The following FBXL7 variants were observed in gnomAD, a reference collection of about 807,000 sequenced individuals.
FBXL7 encodes the protein F-box/LRR-repeat protein 7.
In FBXL7, 12 loss-of-function variants were observed where a neutral mutation model predicts 38.3. The observed-to-expected ratio is 0.31, with a 90% CI of 0.20 to 0.51. The LOEUF (loss-of-function observed/expected upper bound fraction) is 0.51. Among genes scored for constraint, FBXL7 ranks in the 20% least tolerant of loss-of-function variants. The pLI is 0.98. For missense variants in FBXL7, 567 were observed against 676.4 expected (o/e 0.84, Z 1.79); for synonymous variants, 297 against 300.9 (o/e 0.99, Z 0.13).
chr5:15,654,418 G>GAAAAAAAA (rs200453697), intron 2 of FBXL7, among the ~76,000 whole-genome samples: 1 of 126,396 alleles, frequency 7.9e-6, no homozygotes, highest in Non-Finnish European at 1.7e-5. Context: ...ATAAAAAACT[G>GAAAAAAAA]AAAAAAAAAA....
At chr5:15,736,357 G>A (rs185648885) in intron 2 of FBXL7, among the ~76,000 whole-genome samples, 62 of 152,226 alleles carry the variant, frequency 4.1e-4, no homozygotes, top group Non-Finnish European at 4.3e-4. Context: ...CAGCAACTTA[G>A]ATGGCCCCAA....
intron 2 of FBXL7, among the ~76,000 whole-genome samples, chr5:15,746,660 C>T (rs927563046): frequency 6.6e-6 from 1 of 152,032 alleles, no homozygotes; most frequent in South Asian, 2.1e-4. Flanking sequence ...CAGGTCTCAA[C>T]GTACAAATTT....
rs1156763157 is a variant in FBXL7, at chr5:15,939,142, C to T, written c.*1956C>T. 7.5e-6 allele frequency: 3 copies of T among 398,570 alleles called. No individual in the cohort carries two copies. The highest frequency in any genetic ancestry group is 1.3e-5 in the Non-Finnish European group (3 of 225,956). The allele number at this position is 398,570 out of a possible 1,614,324, so 24.7% of individuals were successfully genotyped here. ...GTTTCTTTCAAACATCATGGCCTCC[C>T]ATCCAATCAACATCATCAAATTACA... On this transcript the variant is annotated 3_prime_UTR_variant, in exon 4 of 4. Transcript: ENST00000504595.
chr5:15,730,995 G>A (rs1294287754), intron 2 of FBXL7, among the ~76,000 whole-genome samples: 1 of 152,170 alleles, frequency 6.6e-6, no homozygotes, highest in African/African-American at 2.4e-5. Context: ...AGATTGCTAA[G>A]CTCTCTTATT....
intron 1 of FBXL7, among the ~76,000 whole-genome samples, chr5:15,608,910 G>C (rs577791561): frequency 2.0e-5 from 3 of 152,174 alleles, no homozygotes; most frequent in Admixed American, 1.3e-4. Context: ...AGCATGGGCC[G>C]TATGATACCC....
chr5:15,527,278 A>G (rs558484302), intron 1 of FBXL7, among the ~76,000 whole-genome samples: 9 of 152,244 alleles, frequency 5.9e-5, no homozygotes, highest in Non-Finnish European at 1.3e-4. Flanking sequence ...TTTAATTATT[A>G]TAGTCGAGTA....
Position 15,777,720 on chromosome 5 carries a change from T to TAAAA in FBXL7, c.128-150147_128-150144dup, listed in dbSNP as rs371293320. On this transcript the variant is annotated intron_variant, in intron 2 of 3. Coordinates refer to ENST00000504595, the MANE Select transcript of FBXL7 (RefSeq NM_012304.5). Reference sequence around the variant, plus strand: ...TATTGTTTGCAAACCCCTATTCTGGTAAAAAAAAAAAAAAAAAAAAAAAAA... The same window carrying TAAAA: ...TATTGTTTGCAAACCCCTATTCTGGTAAAAAAAAAAAAAAAAAAAAAAAAAAAAA... 2.3e-3 allele frequency among the ~76,000 whole-genome samples: 186 copies of TAAAA among 82,502 alleles called. 11 individuals are homozygous for TAAAA. Among genetic ancestry groups the TAAAA allele is most frequent in the African/African-American group, 9.1e-3 (161 of 17,714 alleles). The allele number at this position is 82,502 out of a possible 152,430, so 54.1% of individuals were successfully genotyped here.
intron 2 of FBXL7, among the ~76,000 whole-genome samples, chr5:15,744,108 G>T (rs1318875167): frequency 1.3e-5 from 2 of 152,210 alleles, no homozygotes; most frequent in African/African-American, 2.4e-5. Context: ...GGAGACATTT[G>T]CCCATTGTCT....
intron 1 of FBXL7, among the ~76,000 whole-genome samples, chr5:15,601,201 G>T (rs971762622): frequency 2.0e-5 from 3 of 152,120 alleles, no homozygotes; most frequent in African/African-American, 7.2e-5. Flanking sequence ...AACCACCAGT[G>T]AACTTTAGAA....
intron 2 of FBXL7, among the ~76,000 whole-genome samples, chr5:15,622,273 T>G (rs1017326489): frequency 1.3e-5 from 2 of 150,994 alleles, no homozygotes; most frequent in Admixed American, 6.6e-5. Context: ...TTATTTTTTA[T>G]TTTTATTTAT....
At chr5:15,588,857 C>A (rs1739377894) in intron 1 of FBXL7, among the ~76,000 whole-genome samples, 1 of 152,092 alleles carries the variant, frequency 6.6e-6, no homozygotes, top group African/African-American at 2.4e-5. Context: ...ACAATTAGAT[C>A]CTTACTTTGT....
intron 2 of FBXL7, among the ~76,000 whole-genome samples, chr5:15,745,919 C>G (rs796658184): frequency 6.6e-6 from 1 of 152,180 alleles, no homozygotes; most frequent in Non-Finnish European, 1.5e-5. Context: ...AAGAGAGACT[C>G]TCATGGTCAA....
intron 2 of FBXL7, among the ~76,000 whole-genome samples, chr5:15,701,849 A>C (rs1346138527): frequency 3.3e-5 from 5 of 152,212 alleles, no homozygotes; most frequent in African/African-American, 1.2e-4. Flanking sequence ...AGTATTACAA[A>C]GTGTTGGCTA....
In FBXL7 at chr5:15,728,074, A is replaced by G. The variant is rs76940648; in HGVS notation, c.127+112002A>G. On this transcript the variant is annotated intron_variant, in intron 2 of 3. Coordinates refer to ENST00000504595, the MANE Select transcript of FBXL7 (RefSeq NM_012304.5). Reference sequence around the variant, plus strand: ...TTTCAGCTCCCATATTTCTTTTCACATTTTCTATATCTTTGTTGACATTTT... The same window carrying G: ...TTTCAGCTCCCATATTTCTTTTCACGTTTTCTATATCTTTGTTGACATTTT... Among the ~76,000 whole-genome samples the G allele has an allele frequency of 6.9e-3, 1,048 of 151,776 alleles. 8 individuals are homozygous for G. Among genetic ancestry groups the G allele is most frequent in the Non-Finnish European group, 0.011 (724 of 67,894 alleles).
At chr5:15,918,523 C>T (rs191885366) in intron 2 of FBXL7, among the ~76,000 whole-genome samples, 89 of 152,318 alleles carry the variant, frequency 5.8e-4, no homozygotes, top group Middle Eastern at 3.4e-3. Flanking sequence ...TAAACGTTTC[C>T]TTAGCTGTAT....
chr5:15,784,158 T>A (rs1737074247), intron 2 of FBXL7, among the ~76,000 whole-genome samples: 1 of 152,110 alleles, frequency 6.6e-6, no homozygotes, highest in Non-Finnish European at 1.5e-5. Flanking sequence ...TATAGTAGTG[T>A]AGTGCTTCAT....
At chr5:15,599,179 T>C (rs1739713809) in intron 1 of FBXL7, among the ~76,000 whole-genome samples, 1 of 151,972 alleles carries the variant, frequency 6.6e-6, no homozygotes, top group Non-Finnish European at 1.5e-5. Flanking sequence ...GGGAGGAAAA[T>C]AATGATGCTC....
intron 2 of FBXL7, among the ~76,000 whole-genome samples, chr5:15,781,506 G>T (rs1736993105): frequency 6.6e-6 from 1 of 151,906 alleles, no homozygotes. Context: ...AGTATATTCA[G>T]TAGTAAGAAG....
intron 1 of FBXL7, among the ~76,000 whole-genome samples, chr5:15,578,208 C>T (rs1739029457): frequency 6.6e-6 from 1 of 152,124 alleles, no homozygotes; most frequent in South Asian, 2.1e-4. Context: ...ATTTCTGCAA[C>T]TTTCTGCCAA....
Sources: gnomAD v4.1 joint callset for allele counts (sites outside exome capture counted in the v4.1 genomes callset) on GRCh38, gnomAD v4.1.1 for gene constraint, MANE v1.5 for transcripts, NCBI Gene and HGNC (gene_info 2026-07-23, HGNC 2026-07-21) for gene names.